The following SLC39A11 variants were observed in gnomAD, a reference collection of about 807,000 sequenced individuals.
The protein encoded by SLC39A11 is solute carrier family 39 member 11, also known as zinc transporter ZIP11.
In SLC39A11, 33 loss-of-function variants were observed where a neutral mutation model predicts 36.1. The ratio of observed to expected loss-of-function variants is 0.91; its 90% CI spans 0.69 to 1.22. The LOEUF is 1.22. Among genes scored for constraint, SLC39A11 ranks in the 50% most tolerant of loss-of-function variants. The probability of loss-of-function intolerance (pLI) is 0.00; values close to 1 mark genes in which losing one functional copy is unlikely to be tolerated. For missense variants in SLC39A11, 432 were observed against 430.3 expected (o/e 1.00, Z -0.03); for synonymous variants, 166 against 170.3 (o/e 0.97, Z 0.20).
chr17:72,986,620 C>T (rs953883588), intron 4 of SLC39A11, among the ~76,000 whole-genome samples: 1 of 152,208 alleles, frequency 6.6e-6, no homozygotes, highest in Admixed American at 6.5e-5. Context: ...GAGACACATA[C>T]AGTCTTGGGC....
intron 7 of SLC39A11, among the ~76,000 whole-genome samples, chr17:72,713,426 G>C (rs939430061): frequency 6.6e-6 from 1 of 151,440 alleles, no homozygotes; most frequent in East Asian, 1.9e-4. Context: ...GTTTCCAGGG[G>C]GAGGCAGCAG....
chr17:73,061,801 C>T (rs2059847546), intron 3 of SLC39A11, among the ~76,000 whole-genome samples: 1 of 152,084 alleles, frequency 6.6e-6, no homozygotes, highest in Admixed American at 6.6e-5. Flanking sequence ...TCAAGACTAG[C>T]CTAGGCAACA....
intron 7 of SLC39A11, among the ~76,000 whole-genome samples, chr17:72,691,940 C>G (rs117376701): frequency 5.3e-5 from 8 of 152,068 alleles, no homozygotes; most frequent in South Asian, 2.1e-4. Flanking sequence ...AAACGGGACT[C>G]GCCTGCTGAA....
chr17:72,751,738 C>A (rs150650453), intron 6 of SLC39A11, among the ~76,000 whole-genome samples: 1 of 152,214 alleles, frequency 6.6e-6, no homozygotes, highest in African/African-American at 2.4e-5. Flanking sequence ...TCACTATGCC[C>A]GGCTAATTTT....
At chr17:72,985,444 A>C (rs2088664836) in intron 4 of SLC39A11, among the ~76,000 whole-genome samples, 1 of 107,060 alleles carries the variant, frequency 9.3e-6, no homozygotes, top group Non-Finnish European at 1.7e-5. Flanking sequence ...ACAGAGTCTC[A>C]CTCTCTCACC....
At chr17:73,074,841 T>C (rs762531815) in intron 3 of SLC39A11, among the ~76,000 whole-genome samples, 1 of 152,198 alleles carries the variant, frequency 6.6e-6, no homozygotes, top group Non-Finnish European at 1.5e-5. Flanking sequence ...AAATAATAGA[T>C]ATTAAATTGC....
chr17:72,943,004 T>A (rs374830744), intron 5 of SLC39A11, among the ~76,000 whole-genome samples: 2 of 152,246 alleles, frequency 1.3e-5, no homozygotes, highest in South Asian at 2.1e-4. Context: ...GTTCATCAAA[T>A]CTTTTTCCAA....
intron 3 of SLC39A11, among the ~76,000 whole-genome samples, chr17:73,038,811 C>T (rs1351702273): frequency 1.4e-5 from 2 of 146,354 alleles, no homozygotes; most frequent in African/African-American, 5.1e-5. Flanking sequence ...GGGGAGGGGA[C>T]GAGTTGAGGT....
intron 2 of SLC39A11, 119 bp from the exon 3 acceptor site, chr17:73,084,965 G>A: frequency 2.0e-6 from 2 of 987,160 alleles, no homozygotes; most frequent in Admixed American, 1.9e-5. Flanking sequence ...CGACTCCTGA[G>A]CTCGTGAGCT....
At chr17:73,004,994 G>A (rs2148440384) in intron 4 of SLC39A11, among the ~76,000 whole-genome samples, 1 of 151,534 alleles carries the variant, frequency 6.6e-6, no homozygotes, top group South Asian at 2.1e-4. Flanking sequence ...TGTTTTGTTT[G>A]TTTGTTTGTT....
At chr17:72,728,157 G>A (rs1231853699) in intron 7 of SLC39A11, among the ~76,000 whole-genome samples, 1 of 152,012 alleles carries the variant, frequency 6.6e-6, no homozygotes, top group East Asian at 1.9e-4. Context: ...TTCTGAAAAG[G>A]GTCAGATAGC....
chr17:72,934,936 G>C (rs373764658), intron 5 of SLC39A11, among the ~76,000 whole-genome samples: 1 of 152,316 alleles, frequency 6.6e-6, no homozygotes, highest in African/African-American at 2.4e-5. Context: ...ACTCTGCTGG[G>C]ACTGAAGAAC....
intron 4 of SLC39A11, among the ~76,000 whole-genome samples, chr17:72,966,801 C>A (rs911246839): frequency 6.6e-6 from 1 of 152,070 alleles, no homozygotes; most frequent in African/African-American, 2.4e-5. Context: ...GATCTCCTGA[C>A]CTCGTGATCC....
intron 7 of SLC39A11, among the ~76,000 whole-genome samples, chr17:72,733,660 A>G (rs1568002019): frequency 6.6e-6 from 1 of 152,190 alleles, no homozygotes; most frequent in Non-Finnish European, 1.5e-5. Flanking sequence ...CCAATGGCTC[A>G]TCCAACAGGG....
chr17:73,069,916 A>C (rs560091570), intron 3 of SLC39A11, among the ~76,000 whole-genome samples: 1 of 152,328 alleles, frequency 6.6e-6, no homozygotes, highest in East Asian at 1.9e-4. Context: ...TACAAAAAAA[A>C]AGTATAAAGT....
At chr17:73,069,280 T>C (rs1323988100) in intron 3 of SLC39A11, among the ~76,000 whole-genome samples, 2 of 152,164 alleles carry the variant, frequency 1.3e-5, no homozygotes, top group Non-Finnish European at 2.9e-5. Context: ...AACAACCACA[T>C]GCTGACCCGC....
chr17:72,864,121 A>ATTGGCT (rs1312837606), intron 5 of SLC39A11, among the ~76,000 whole-genome samples: 1 of 152,210 alleles, frequency 6.6e-6, no homozygotes, highest in African/African-American at 2.4e-5. Flanking sequence ...TTAAGACTGC[A>ATTGGCT]TTGGCTTTGC....
intron 6 of SLC39A11, among the ~76,000 whole-genome samples, chr17:72,824,196 T>C (rs1427187495): frequency 6.6e-6 from 1 of 151,010 alleles, no homozygotes; most frequent in East Asian, 1.9e-4. Context: ...GCTGTTGTCA[T>C]GATAGTGAAT....
intron 7 of SLC39A11, among the ~76,000 whole-genome samples, chr17:72,724,610 G>A (rs555467193): frequency 2.6e-4 from 40 of 152,190 alleles, no homozygotes; most frequent in African/African-American, 9.2e-4. Flanking sequence ...CAGGAACCAG[G>A]AGCTCTGACT....
Sources: allele counts gnomAD v4.1 joint callset (sites outside exome capture counted in the v4.1 genomes callset), GRCh38; gene constraint gnomAD v4.1.1; transcripts MANE v1.5; gene names NCBI Gene and HGNC (gene_info 2026-07-23, HGNC 2026-07-21).